KLF17: variants seen among roughly 807,000 people sequenced by gnomAD.
KLF17 encodes the protein KLF transcription factor 17.
KLF17 carries 31 observed loss-of-function variants against 34.2 expected under a neutral mutation model. The ratio of observed to expected loss-of-function variants is 0.91; its 90% confidence interval spans 0.68 to 1.22. The LOEUF (loss-of-function observed/expected upper bound fraction) is 1.22, where lower values mean the gene tolerates loss of function less well. Among genes scored for constraint, KLF17 ranks in the 50% most tolerant of loss-of-function variants. The pLI, the probability that KLF17 is intolerant of heterozygous loss-of-function variation, is 0.00. For missense variants in KLF17, 478 were observed against 505.2 expected, an observed-to-expected ratio of 0.95 and a Z score of 0.52; for synonymous variants, 179 against 186.7, an observed-to-expected ratio of 0.96 and a Z score of 0.34.
At chr1:44,088,654 A>T in the KLF17 span, among the ~76,000 whole-genome samples, 17 of 152,292 alleles carry the variant, frequency 1.1e-4, no homozygotes, top group Non-Finnish European at 1.8e-4. Context: ...TTACCTCTTC[A>T]CATGCCCTAT....
chr1:44,104,281 G>C, the KLF17 span: 7 of 1,578,198 alleles, frequency 4.4e-6, no homozygotes, highest in African/African-American at 1.3e-5. Context: ...GTGTTGCCAA[G>C]CTCCGTCTCC....
Position 44,130,065 on chromosome 1 carries a change from A to G in KLF17, c.794A>G (p.Asn265Ser), listed in dbSNP as rs2088087838. ...PGPAPQTVEK[N>S]SRPQEGTGRR... ...CCTGCTCCACAGACAGTAGAGAAGA[A>G]CTCCAGGCCTCAGGAAGGGACTGGT... Residue 265 changes from asparagine (N) to serine (S), a missense_variant, in exon 2 of 4, where the codon AAC (asparagine) becomes AGC (serine). Physicochemically the swap from Asn to Ser is conservative, Grantham distance 46 (BLOSUM62 1). Coordinates refer to ENST00000372299, the MANE Select transcript of KLF17 (RefSeq NM_173484.4). 2 of 1,614,006 alleles carry G rather than the reference A, an allele frequency of 1.2e-6. No individual in the cohort carries two copies. Among genetic ancestry groups the G allele is most frequent in the African/African-American group, 1.3e-5 (1 of 74,912 alleles).
chr1:44,068,583 T>C, the KLF17 span, among the ~76,000 whole-genome samples: 1 of 152,208 alleles, frequency 6.6e-6, no homozygotes, highest in Non-Finnish European at 1.5e-5. Flanking sequence ...TAATGTGTTA[T>C]CTGATTCATT....
the KLF17 span, among the ~76,000 whole-genome samples, chr1:44,084,385 TA>T: frequency 6.6e-6 from 1 of 152,098 alleles, no homozygotes; most frequent in South Asian, 2.1e-4. Flanking sequence ...GCGAAGCTCT[TA>T]AAAAGTTTTT....
intron 1 of KLF17, among the ~76,000 whole-genome samples, chr1:44,125,601 G>A (rs1023223413): frequency 2.6e-5 from 4 of 152,138 alleles, no homozygotes; most frequent in Admixed American, 6.5e-5. Context: ...CTGAGTAGCT[G>A]GGATTACAGG....
upstream of KLF17, among the ~76,000 whole-genome samples, chr1:44,118,469 C>T (rs2154311264): frequency 1.3e-5 from 2 of 152,288 alleles, no homozygotes; most frequent in Middle Eastern, 6.8e-3. Flanking sequence ...GGAGGCTCTC[C>T]TATCGGTAGA....
intron 1 of KLF17, among the ~76,000 whole-genome samples, chr1:44,125,201 G>A (rs1165171467): frequency 6.6e-6 from 1 of 152,116 alleles, no homozygotes; most frequent in East Asian, 1.9e-4. Flanking sequence ...ACTGCCATTA[G>A]CATTTCTTGC....
the KLF17 span, among the ~76,000 whole-genome samples, chr1:44,054,263 G>A: frequency 1.3e-5 from 2 of 152,082 alleles, no homozygotes; most frequent in African/African-American, 4.8e-5. Context: ...ACCCTTAGAC[G>A]TTGCTTTTAG....
intron 1 of KLF17, among the ~76,000 whole-genome samples, chr1:44,125,952 A>G (rs976301801): frequency 2.0e-5 from 3 of 152,208 alleles, no homozygotes; most frequent in Admixed American, 1.3e-4. Context: ...CCTCATAATC[A>G]GAAACAGCAA....
chr1:44,109,519 T>A, the KLF17 span, among the ~76,000 whole-genome samples: 4 of 152,216 alleles, frequency 2.6e-5, no homozygotes, highest in Non-Finnish European at 4.4e-5. Flanking sequence ...TTTTTACTGA[T>A]TTTACCAGTG....
chr1:44,061,910 C>G, the KLF17 span, among the ~76,000 whole-genome samples: 7 of 152,092 alleles, frequency 4.6e-5, no homozygotes, highest in East Asian at 1.3e-3. Context: ...AGAGCAAACT[C>G]TGTCTCAAAA....
the KLF17 span, among the ~76,000 whole-genome samples, chr1:44,071,462 T>A: frequency 6.6e-6 from 1 of 152,244 alleles, no homozygotes; most frequent in East Asian, 1.9e-4. Context: ...TGATTCCTTA[T>A]CTCCCCCATG....
the KLF17 span, among the ~76,000 whole-genome samples, chr1:44,074,334 C>G: frequency 6.6e-6 from 1 of 152,128 alleles, no homozygotes; most frequent in Admixed American, 6.6e-5. Context: ...CCATCAACAT[C>G]CCCTCTCCTC....
At chr1:44,109,319 C>T in the KLF17 span, among the ~76,000 whole-genome samples, 17 of 152,106 alleles carry the variant, frequency 1.1e-4, no homozygotes, top group East Asian at 3.3e-3. Context: ...GCCCAAACTC[C>T]CAGAAAACAA....
the KLF17 span, among the ~76,000 whole-genome samples, chr1:44,087,770 A>ATG: frequency 1.0e-4 from 6 of 57,852 alleles, no homozygotes; most frequent in Non-Finnish European, 2.3e-4. Flanking sequence ...ATATATATAT[A>ATG]CACACACACA....
At chr1:44,109,547 A>G in the KLF17 span, among the ~76,000 whole-genome samples, 3 of 152,262 alleles carry the variant, frequency 2.0e-5, no homozygotes, top group South Asian at 2.1e-4. Context: ...TAATACAAAC[A>G]TATGTTTCAG....
upstream of KLF17, chr1:44,114,325 C>T (rs1288445032): frequency 6.6e-6 from 1 of 152,176 alleles, no homozygotes; most frequent in Non-Finnish European, 1.5e-5. Context: ...TGAGTCCAGA[C>T]TTCATCTCAA....
chr1:44,098,434 T>G, the KLF17 span, among the ~76,000 whole-genome samples: 225 of 151,810 alleles, frequency 1.5e-3, no homozygotes, highest in African/African-American at 5.1e-3. Flanking sequence ...CTTTTGCACT[T>G]TTTTAGTCTC....
the KLF17 span, among the ~76,000 whole-genome samples, chr1:44,057,397 A>G: frequency 6.6e-6 from 1 of 152,174 alleles, no homozygotes; most frequent in African/African-American, 2.4e-5. Context: ...GAACTTTTAG[A>G]TGCTGTCCTT....
Sources: gnomAD v4.1 joint callset for allele counts (sites outside exome capture counted in the v4.1 genomes callset) on GRCh38, gnomAD v4.1.1 for gene constraint, MANE v1.5 for transcripts, NCBI Gene and HGNC (gene_info 2026-07-23, HGNC 2026-07-21) for gene names.